COL6A6: variants seen among roughly 807,000 people sequenced by gnomAD.
COL6A6 encodes the protein collagen type VI alpha 6 chain.
In COL6A6, 183 loss-of-function variants were observed where a neutral mutation model predicts 208.6. The ratio of observed to expected loss-of-function variants is 0.88; its 90% CI spans 0.78 to 0.99. The LOEUF is 0.99. Among genes scored for constraint, COL6A6 ranks in the 50% least tolerant of loss-of-function variants. The pLI, the probability that COL6A6 is intolerant of heterozygous loss-of-function variation, is 0.00. For synonymous variants in COL6A6, 973 were observed against 1,011.8 expected (o/e 0.96, Z 0.73); for missense variants, 2,816 against 2,815.2 (o/e 1.00, Z -0.01).
intron 1 of COL6A6, among the ~76,000 whole-genome samples, chr3:130,553,668 A>G (rs781629968): frequency 1.1e-4 from 16 of 151,868 alleles, no homozygotes; most frequent in Non-Finnish European, 2.1e-4. Flanking sequence ...GCCAGTTTCA[A>G]TCTGGGTAAG....
chr3:130,574,705 T>C (rs2063253612), intron 8 of COL6A6, among the ~76,000 whole-genome samples, 180 bp downstream of exon 8: 1 of 152,178 alleles, frequency 6.6e-6, no homozygotes, highest in South Asian at 2.1e-4. Context: ...AGAAACAGGG[T>C]GTTTGATATC....
chr3:130,626,714 T>A (rs1301127154), intron 25 of COL6A6, among the ~76,000 whole-genome samples, 167 bp downstream of exon 25: 1 of 152,212 alleles, frequency 6.6e-6, no homozygotes, highest in Admixed American at 6.5e-5. Context: ...CTTGGCCAGC[T>A]TTCCCAAGGT....
chr3:130,592,426 G>A lies in COL6A6; in HGVS notation c.4273-115G>A, dbSNP rs1017494943. 1.4e-5 allele frequency: 10 copies of A among 738,212 alleles called. No individual in the cohort carries two copies. In the Admixed American group the frequency reaches 2.1e-4, roughly 16 times the overall value. 45.7% of individuals were successfully genotyped at this position (738,212 alleles called of 1,614,324 possible). A position where few individuals can be genotyped will look rare whatever the true frequency, so the allele number is the denominator to read the frequency against. On this transcript the variant is annotated intron_variant, in intron 13 of 36. Transcript: ENST00000358511. ...TTAGTTTTTATAAGCAAGAACTCTG[G>A]ATTGTGAACCATGAGCATTCACACT...
intron 8 of COL6A6, among the ~76,000 whole-genome samples, chr3:130,580,815 G>A (rs564370550): frequency 7.9e-5 from 12 of 152,262 alleles, no homozygotes; most frequent in South Asian, 2.1e-4. Context: ...TAAGAGCAAA[G>A]CACTTTAATG....
intron 28 of COL6A6, 141 bp downstream of exon 28, chr3:130,635,902 AG>A (rs2065098844): frequency 3.1e-6 from 2 of 637,416 alleles, no homozygotes; most frequent in South Asian, 4.1e-5. Flanking sequence ...AACTTGGGGA[AG>A]GGGAATGGAT....
At chr3:130,521,353 A>G (rs1402488282) in intron 1 of COL6A6, among the ~76,000 whole-genome samples, 1 of 152,232 alleles carries the variant, frequency 6.6e-6, no homozygotes, top group Non-Finnish European at 1.5e-5. Flanking sequence ...AGCAAGTCAC[A>G]GTCATATTTG....
chr3:130,601,936 C>T (rs1000475520), intron 20 of COL6A6, among the ~76,000 whole-genome samples: 1 of 152,114 alleles, frequency 6.6e-6, no homozygotes, highest in Non-Finnish European at 1.5e-5. Context: ...CAGATTTCTT[C>T]AAAACTAACT....
intron 33 of COL6A6, among the ~76,000 whole-genome samples, chr3:130,653,818 G>A (rs2065711786): frequency 6.6e-6 from 1 of 152,148 alleles, no homozygotes; most frequent in Non-Finnish European, 1.5e-5. Context: ...AAGGGGGAAA[G>A]GTTGGGGGAA....
intron 6 of COL6A6, 65 bp from the exon 7 acceptor site, chr3:130,570,753 T>C: frequency 8.1e-7 from 1 of 1,235,762 alleles, no homozygotes; most frequent in South Asian, 1.4e-5. Flanking sequence ...TATAAAAAGG[T>C]TGAGGCGTCT....
At position 130,565,063 on chromosome 3, in the gene COL6A6, A is replaced by G. The variant is rs372706527; in HGVS notation, c.731A>G (p.Asn244Ser). ...LDMSINGSEE[N>S]FDYLKGFLEE... ...ATGTCAATCAATGGAAGTGAGGAGA[A>G]CTTTGACTATCTTAAAGGATTCTTG... Residue 244 changes from asparagine (N) to serine (S), a missense_variant, in exon 4 of 37, where the codon AAC becomes AGC. Transcript: ENST00000358511. 18 of 1,613,890 alleles carry G rather than the reference A, an allele frequency of 1.1e-5. No homozygotes were observed. The African/African-American group carries it at 2.1e-4, about 19-fold the overall frequency.
At chr3:130,532,903 C>G (rs1417261647) in intron 1 of COL6A6, among the ~76,000 whole-genome samples, 1 of 152,120 alleles carries the variant, frequency 6.6e-6, no homozygotes. Context: ...GACCTCTTCA[C>G]AAAGCCTCTC....
chr3:130,649,489 A>C lies in COL6A6; in HGVS notation c.5660A>C (p.Glu1887Ala), dbSNP rs776014191. 1 of 1,608,736 alleles carries C rather than the reference A, an allele frequency of 6.2e-7. No homozygotes were observed. Among genetic ancestry groups the C allele is most frequent in the Non-Finnish European group, 8.5e-7 (1 of 1,177,592 alleles). Residue 1887 changes from glutamate to alanine, a missense_variant, in exon 33 of 37, where the codon GAG (glutamate) becomes GCG (alanine). Glu to Ala is a moderately radical substitution (Grantham distance 107). Transcript: ENST00000358511. ...DAHSITTAAM[E>A]FGALEIIPVV... ...CACTCCATCACCACGGCTGCCATGGAGTTCGGCGCGCTTGAAATCATTCCC... is the reference window on the plus strand; with the variant it reads ...CACTCCATCACCACGGCTGCCATGGCGTTCGGCGCGCTTGAAATCATTCCC...
intron 1 of COL6A6, among the ~76,000 whole-genome samples, chr3:130,539,401 C>G (rs934798406): frequency 6.6e-6 from 1 of 152,120 alleles, no homozygotes; most frequent in Non-Finnish European, 1.5e-5. Context: ...TTCGGGAGGC[C>G]GAGGCCGGTG....
intron 1 of COL6A6, among the ~76,000 whole-genome samples, chr3:130,518,655 A>G (rs982211234): frequency 2.0e-5 from 3 of 152,094 alleles, no homozygotes; most frequent in African/African-American, 7.2e-5. Context: ...TACAGGCATG[A>G]GCCACCATGC....
At position 130,641,050 on chromosome 3, in the gene COL6A6, G is replaced by A. The variant is rs186076561; in HGVS notation, c.5092-602G>A. 1.0e-3 allele frequency among the ~76,000 whole-genome samples: 159 copies of A among 152,228 alleles called. 4 individuals are homozygous for A. The East Asian group carries it at 0.025, about 24-fold the overall frequency. ...GAAATCAATCACTTGAGAGTCACAC[G>A]GAACTTTTTAAAAGATGATTATTAA... On this transcript the variant is annotated intron_variant, in intron 28 of 36. Coordinates refer to ENST00000358511, the MANE Select transcript of COL6A6 (RefSeq NM_001102608.3).
At chr3:130,517,927 G>C (rs76298913) in intron 1 of COL6A6, among the ~76,000 whole-genome samples, 1 of 152,208 alleles carries the variant, frequency 6.6e-6, no homozygotes, top group East Asian at 1.9e-4. Context: ...GGGGAGGAAG[G>C]AAAGCAGAGA....
chr3:130,637,425 A>G lies in COL6A6; in HGVS notation c.5091+1664A>G, dbSNP rs1025728577. On this transcript the variant is annotated intron_variant, in intron 28 of 36. Transcript: ENST00000358511. The stretch of plus-strand genomic sequence containing the variant: ...TTTAAAGACAATAAACGAATGGGAA[A>G]CATAAACTTTTTCTGTTGGCCTTTG... 5.3e-5 allele frequency among the ~76,000 whole-genome samples: 8 copies of G among 152,056 alleles called. No homozygotes were observed. The South Asian group carries it at 1.0e-3, about 20-fold the overall frequency.
At chr3:130,560,238 C>T (rs1421543231) in intron 1 of COL6A6, 96 bp from the exon 2 acceptor site, 9 of 676,984 alleles carry the variant, frequency 1.3e-5, no homozygotes, top group Non-Finnish European at 2.2e-5. Flanking sequence ...TCCCCTGTTA[C>T]ACCCAATTTA....
At chr3:130,669,473 CAA>C (rs1200406244) in intron 36 of COL6A6, among the ~76,000 whole-genome samples, 5 of 151,470 alleles carry the variant, frequency 3.3e-5, no homozygotes, top group Non-Finnish European at 5.9e-5. Context: ...AATAATGGGA[CAA>C]AAAATTATAG....
Sources: gnomAD v4.1 joint callset for allele counts (sites outside exome capture counted in the v4.1 genomes callset) on GRCh38, gnomAD v4.1.1 for gene constraint, MANE v1.5 for transcripts, NCBI Gene and HGNC (gene_info 2026-07-23, HGNC 2026-07-21) for gene names.